The following ETV1 variants were observed in gnomAD, a reference collection of about 807,000 sequenced individuals.
ETV1 encodes the protein ETS variant transcription factor 1.
A neutral mutation model predicts 62.3 loss-of-function variants in ETV1; 27 were observed. That is an observed-to-expected ratio of 0.43 (90% confidence interval 0.32 to 0.60). The LOEUF (loss-of-function observed/expected upper bound fraction) is 0.60, where lower values mean the gene tolerates loss of function less well. ETV1 is among the 20% of genes least tolerant of loss of function. The pLI is 0.06. For synonymous variants in ETV1, 222 were observed against 199.6 expected (o/e 1.11, Z -0.94); for missense variants, 605 against 605.8 (o/e 1.00, Z 0.01).
At chr7:13,962,389 A>G (rs1015410184) in intron 6 of ETV1, among the ~76,000 whole-genome samples, 1 of 152,074 alleles carries the variant, frequency 6.6e-6, no homozygotes, top group African/African-American at 2.4e-5. Flanking sequence ...CTTATACAGT[A>G]CAATGTACTC....
intron 9 of ETV1, among the ~76,000 whole-genome samples, chr7:13,926,235 G>A (rs1785412591): frequency 6.6e-6 from 1 of 152,080 alleles, no homozygotes; most frequent in Admixed American, 6.6e-5. Flanking sequence ...ATTCCTGAGA[G>A]TGAAATTACC....
Position 13,986,266 on chromosome 7 carries a change from G to A in ETV1, c.181+372C>T, listed in dbSNP as rs1191915692. 6 of 1,518,176 alleles carry A rather than the reference G, an allele frequency of 4.0e-6. No homozygotes were observed. In the African/African-American group the frequency reaches 8.5e-5, roughly 21 times the overall value. 94.0% of individuals were successfully genotyped at this position (1,518,176 alleles called of 1,614,324 possible). On this transcript the variant is annotated intron_variant, in intron 5 of 13. Transcript: ENST00000430479. ...AATAATGATATGCGCTGCTCTAAAG[G>A]AAACAGCAAGCCAGCCGGGTTCTGG...
At position 13,924,472 on chromosome 7, in the gene ETV1, GCTCTATTTTGCTACC is replaced by G. The variant is rs1785194155; in HGVS notation, c.802+7015_802+7029del. On this transcript the variant is annotated intron_variant, in intron 9 of 13. Transcript: ENST00000430479. ...TCTTCATAATTTATATCGTTGAATT[GCTCTATTTTGCTACC>G]TCACTGCGGTGAACACCTAACATTT... is the stretch of plus-strand genomic sequence containing the variant. 2.0e-5 allele frequency among the ~76,000 whole-genome samples: 3 copies of G among 152,204 alleles called. No homozygotes were observed. The South Asian group carries it at 6.2e-4, about 32-fold the overall frequency.
intron 6 of ETV1, among the ~76,000 whole-genome samples, chr7:13,962,230 C>T (rs1287792775): frequency 6.6e-6 from 1 of 151,240 alleles, no homozygotes; most frequent in Non-Finnish European, 1.5e-5. Context: ...TATAAATACT[C>T]ATTTAGTCAC....
At chr7:13,973,694 G>A (rs1182618487) in intron 6 of ETV1, among the ~76,000 whole-genome samples, 1 of 151,394 alleles carries the variant, frequency 6.6e-6, no homozygotes, top group Admixed American at 6.6e-5. Flanking sequence ...CTCTGTTTAT[G>A]GGTTTTTTAA....
intron 9 of ETV1, among the ~76,000 whole-genome samples, chr7:13,921,106 G>A (rs1464425259): frequency 6.6e-6 from 1 of 152,194 alleles, no homozygotes. Flanking sequence ...GTTCCCAAGT[G>A]ATCCTACACT....
chr7:13,918,880 A>AAG (rs1784509504), intron 9 of ETV1, among the ~76,000 whole-genome samples: 1 of 151,568 alleles, frequency 6.6e-6, no homozygotes, highest in Non-Finnish European at 1.5e-5. Context: ...ATAATAAAAA[A>AAG]AAAAAAAAAG....
At chr7:13,951,189 TTCTC>T (rs144452493) in intron 6 of ETV1, among the ~76,000 whole-genome samples, 2 of 151,834 alleles carry the variant, frequency 1.3e-5, no homozygotes, top group Admixed American at 6.6e-5. Flanking sequence ...CATGTGCATG[TTCTC>T]TCTCTCTCAC....
rs1196617562 is a variant in ETV1, at chr7:13,893,907, GAAC to G, written c.*1956_*1958del. On this transcript the variant is annotated 3_prime_UTR_variant, in exon 14 of 14. Transcript: ENST00000430479. ...GGCCAAAATAATACATGATGTATAT[GAAC>G]AACAATCATTGAAATCGCAGGTTAC... is the stretch of plus-strand genomic sequence containing the variant. The G allele has an allele frequency of 8.6e-6, 2 of 233,030 alleles. No individual in the cohort carries two copies. Among genetic ancestry groups the G allele is most frequent in the African/African-American group, 4.4e-5 (2 of 45,316 alleles). 14.4% of individuals were successfully genotyped at this position (233,030 alleles called of 1,614,324 possible).
At position 13,986,677 on chromosome 7, in the gene ETV1, G is replaced by T. The variant is rs1782580479; in HGVS notation, c.142C>A (p.Gln48Lys). ...DLAHDSEELF[Q>K]DLSQLQETWL... The stretch of plus-strand genomic sequence containing the variant: ...GTTTCCTGTAATTGACTTAGATCTT[G>T]AAAGAGTTCTAAAAAACAAGTCAAA... The change falls in exon 5 of 14, where the codon CAA becomes AAA. Residue 48 changes from glutamine (Q) to lysine (K), a missense_variant. Coordinates refer to ENST00000430479, the MANE Select transcript of ETV1 (RefSeq NM_004956.5). The T allele has an allele frequency of 6.2e-7, 1 of 1,609,654 alleles. No individual in the cohort carries two copies. Among genetic ancestry groups the T allele is most frequent in the African/African-American group, 1.3e-5 (1 of 74,612 alleles).
At chr7:13,983,005 C>T (rs1441693896) in intron 5 of ETV1, among the ~76,000 whole-genome samples, 1 of 151,946 alleles carries the variant, frequency 6.6e-6, no homozygotes, top group Admixed American at 6.6e-5. Flanking sequence ...GTTGACCTGA[C>T]TGTTGTTTGA....
At chr7:13,975,521 C>T (rs554338443) in intron 6 of ETV1, among the ~76,000 whole-genome samples, 1 of 145,964 alleles carries the variant, frequency 6.9e-6, no homozygotes. Flanking sequence ...CAAGATTGCA[C>T]CACTGCACTA....
intron 4 of ETV1, among the ~76,000 whole-genome samples, chr7:13,987,850 A>C (rs1240773295): frequency 6.6e-6 from 1 of 152,224 alleles, no homozygotes; most frequent in Non-Finnish European, 1.5e-5. Context: ...TGATTAAAAG[A>C]AGGTTGTCAT....
intron 6 of ETV1, among the ~76,000 whole-genome samples, chr7:13,946,322 A>G (rs1788160506): frequency 6.6e-6 from 1 of 152,130 alleles, no homozygotes; most frequent in African/African-American, 2.4e-5. Flanking sequence ...TGTGTCTTGC[A>G]TTTTTTCTTT....
At chr7:13,935,442 G>C (rs984118410) in intron 8 of ETV1, among the ~76,000 whole-genome samples, 3 of 152,146 alleles carry the variant, frequency 2.0e-5, no homozygotes, top group African/African-American at 7.2e-5. Flanking sequence ...CAAGCAAAGC[G>C]AAAGGGAAAT....
At position 13,964,639 on chromosome 7, in the gene ETV1, A is replaced by G. The variant is rs568691821; in HGVS notation, c.235+12788T>C. Among the ~76,000 whole-genome samples, 10 of 152,232 alleles carry G rather than the reference A, an allele frequency of 6.6e-5. 1 individual carries two copies. The South Asian group carries it at 2.1e-3, about 32-fold the overall frequency. On this transcript the variant is annotated intron_variant, in intron 6 of 13. Transcript: ENST00000430479. ...TCATTCCTTCATCCAACAAATATAC[A>G]TTTGTGCTAGTGATGTAGCAGAATT... is the stretch of plus-strand genomic sequence containing the variant.
intron 7 of ETV1, 59 bp downstream of exon 7, chr7:13,939,058 C>G (rs17167678): frequency 0.039 from 59,608 of 1,526,278 alleles, 1,435 homozygotes; most frequent in Non-Finnish European, 0.045. Flanking sequence ...TCATATTATT[C>G]TGGACTTTTT....
chr7:13,939,393 T>C (rs1787213593), intron 6 of ETV1, 147 bp from the exon 7 acceptor site: 1 of 643,626 alleles, frequency 1.6e-6, no homozygotes, highest in Non-Finnish European at 2.5e-6. Context: ...TGAATTTCAG[T>C]AGCAGAAGAT....
intron 6 of ETV1, among the ~76,000 whole-genome samples, chr7:13,942,404 T>C (rs368772824): frequency 1.3e-5 from 2 of 152,272 alleles, no homozygotes; most frequent in East Asian, 3.9e-4. Flanking sequence ...AAGTTTTGTT[T>C]TGTTTTTTAA....
Sources: allele counts gnomAD v4.1 joint callset (sites outside exome capture counted in the v4.1 genomes callset), GRCh38; gene constraint gnomAD v4.1.1; transcripts MANE v1.5; gene names NCBI Gene and HGNC (gene_info 2026-07-23, HGNC 2026-07-21).